Variants in KIZ observed in about 807,000 individuals in gnomAD.
KIZ encodes the protein centrosomal protein kizuna.
KIZ carries 68 observed loss-of-function variants against 79.6 expected under a neutral mutation model. The ratio of observed to expected loss-of-function variants is 0.85; its 90% confidence interval spans 0.70 to 1.05. The LOEUF is 1.05. Among genes scored for constraint, KIZ ranks in the 50% least tolerant of loss-of-function variants. The pLI is 0.00. For synonymous variants in KIZ, 280 were observed against 281.8 expected (o/e 0.99, Z 0.06); for missense variants, 797 against 800.4 (o/e 1.00, Z 0.05).
At chr20:21,217,976 G>A (rs1419272248) in intron 9 of KIZ, among the ~76,000 whole-genome samples, 2 of 152,120 alleles carry the variant, frequency 1.3e-5, no homozygotes, top group Non-Finnish European at 2.9e-5. Context: ...TGTTCTGGTG[G>A]ACCTGCATAC....
chr20:21,142,729 G>A (rs933898080), intron 3 of KIZ, among the ~76,000 whole-genome samples: 2 of 151,790 alleles, frequency 1.3e-5, no homozygotes, highest in Non-Finnish European at 2.9e-5. Flanking sequence ...GAGGTTGAAG[G>A]GCAGTGAGTT....
chr20:21,231,830 T>G (rs2036843493), intron 10 of KIZ, among the ~76,000 whole-genome samples: 1 of 152,200 alleles, frequency 6.6e-6, no homozygotes, highest in Non-Finnish European at 1.5e-5. Context: ...CATGTTTCAC[T>G]TACTTCTGAG....
At chr20:21,235,602 G>A (rs753023905) in intron 11 of KIZ, among the ~76,000 whole-genome samples, 1 of 152,136 alleles carries the variant, frequency 6.6e-6, no homozygotes, top group African/African-American at 2.4e-5. Flanking sequence ...TCACTCTCCC[G>A]GATCCATTTG....
At chr20:21,140,498 A>G (rs1416211243) in intron 3 of KIZ, among the ~76,000 whole-genome samples, 2 of 152,162 alleles carry the variant, frequency 1.3e-5, no homozygotes, top group Non-Finnish European at 2.9e-5. Context: ...AATCTCCTAA[A>G]ATGAGCTAAA....
intron 3 of KIZ, chr20:21,144,122 C>T (rs568800627): frequency 1.3e-5 from 2 of 152,162 alleles, no homozygotes; most frequent in East Asian, 1.9e-4. Flanking sequence ...TTATCACTTC[C>T]TTTTTCCTTC....
At chr20:21,128,904 C>A (rs1469864821) in intron 1 of KIZ, among the ~76,000 whole-genome samples, 1 of 152,060 alleles carries the variant, frequency 6.6e-6, no homozygotes, top group Non-Finnish European at 1.5e-5. Context: ...GAGACAAAAA[C>A]AGAATAACAA....
At chr20:21,173,060 A>G (rs940192812) in intron 6 of KIZ, among the ~76,000 whole-genome samples, 2 of 152,192 alleles carry the variant, frequency 1.3e-5, no homozygotes, top group African/African-American at 2.4e-5. Flanking sequence ...CACGTTGTGA[A>G]GGGTCAGTAG....
chr20:21,243,666 T>C (rs576946872), intron 11 of KIZ, among the ~76,000 whole-genome samples: 3 of 152,322 alleles, frequency 2.0e-5, no homozygotes, highest in African/African-American at 4.8e-5. Flanking sequence ...TTTCTTGTCA[T>C]ATTGGCCTCA....
At chr20:21,234,515 T>G (rs1378463002) in intron 11 of KIZ, among the ~76,000 whole-genome samples, 2 of 152,082 alleles carry the variant, frequency 1.3e-5, no homozygotes, top group Non-Finnish European at 2.9e-5. Context: ...TATGCCACCC[T>G]GGGCTTTGGA....
intron 3 of KIZ, chr20:21,144,050 G>C (rs1021532820): frequency 6.6e-6 from 1 of 152,100 alleles, no homozygotes; most frequent in Non-Finnish European, 1.5e-5. Flanking sequence ...GTTGCATTGA[G>C]AGCAGTCTAA....
At chr20:21,152,591 G>T (rs1173693668) in intron 4 of KIZ, among the ~76,000 whole-genome samples, 2 of 152,154 alleles carry the variant, frequency 1.3e-5, no homozygotes, top group African/African-American at 4.8e-5. Flanking sequence ...AAAAAGAAAG[G>T]GCTGTTACCT....
At chr20:21,240,371 G>A (rs1422240263) in intron 11 of KIZ, among the ~76,000 whole-genome samples, 11 of 152,260 alleles carry the variant, frequency 7.2e-5, no homozygotes, top group African/African-American at 1.9e-4. Context: ...GTGATCACCC[G>A]CCTCAGCCTC....
chr20:21,198,506 G>A (rs3827959), intron 6 of KIZ: 32,627 of 152,366 alleles, frequency 0.21, 4,191 homozygotes, highest in East Asian at 0.32. Context: ...AGTGGCTTTG[G>A]GTCTGCTTAG....
At chr20:21,173,763 G>T (rs751051652) in intron 6 of KIZ, among the ~76,000 whole-genome samples, 2 of 152,100 alleles carry the variant, frequency 1.3e-5, no homozygotes, top group Non-Finnish European at 2.9e-5. Flanking sequence ...TTTTGGGTAT[G>T]TTAGATTTGA....
At chr20:21,152,322 A>AT (rs1429959299) in intron 4 of KIZ, among the ~76,000 whole-genome samples, 4 of 152,186 alleles carry the variant, frequency 2.6e-5, no homozygotes, top group African/African-American at 9.6e-5. Flanking sequence ...TGAAGAAGGG[A>AT]TGAGCAGGTG....
At chr20:21,233,206 T>C (rs6082351) in intron 11 of KIZ, among the ~76,000 whole-genome samples, 89,043 of 152,158 alleles carry the variant, frequency 0.59, 27,666 homozygotes, top group South Asian at 0.78. Flanking sequence ...CTTTTTGTGA[T>C]GGCTAATATA....
intron 6 of KIZ, among the ~76,000 whole-genome samples, chr20:21,189,296 C>T (rs946144235): frequency 5.9e-5 from 9 of 152,050 alleles, no homozygotes; most frequent in Non-Finnish European, 1.3e-4. Flanking sequence ...CTGAAAAAAA[C>T]AGAACCCCTA....
chr20:21,196,691 C>T (rs1017540527), intron 6 of KIZ: 4 of 152,292 alleles, frequency 2.6e-5, no homozygotes, highest in Non-Finnish European at 5.9e-5. Context: ...GTCTGACCTA[C>T]AAGAACTGAG....
At chr20:21,196,588 ATAAGAGGTAT>A (rs1463689302) in intron 6 of KIZ, 1 of 152,260 alleles carries the variant, frequency 6.6e-6, no homozygotes, top group Non-Finnish European at 1.5e-5. Context: ...TGCCTAGGCA[ATAAGAGGTAT>A]TCATAGGTAC....
Sources: gnomAD v4.1 joint callset for allele counts (sites outside exome capture counted in the v4.1 genomes callset) on GRCh38, gnomAD v4.1.1 for gene constraint, MANE v1.5 for transcripts, NCBI Gene and HGNC (gene_info 2026-07-23, HGNC 2026-07-21) for gene names.